PTPRD: variants seen among roughly 807,000 people sequenced by gnomAD.
PTPRD encodes the protein protein tyrosine phosphatase receptor type D.
In PTPRD, 34 loss-of-function variants were observed where a neutral mutation model predicts 214.5. The ratio of observed to expected loss-of-function variants is 0.16; its 90% CI spans 0.12 to 0.21. The LOEUF is 0.21. PTPRD is among the 10% of genes least tolerant of loss of function. The probability of loss-of-function intolerance (pLI) is 1.00; values close to 1 mark genes in which losing one functional copy is unlikely to be tolerated. For synonymous variants in PTPRD, 1,128 were observed against 845.7 expected, an observed-to-expected ratio of 1.33 and a Z score of -5.79; for missense variants, 2,545 against 2,398.7, an observed-to-expected ratio of 1.06 and a Z score of -1.27.
chr9:10,267,891 T>A (rs1348281939), intron 3 of PTPRD, among the ~76,000 whole-genome samples: 1 of 152,138 alleles, frequency 6.6e-6, no homozygotes, highest in Admixed American at 6.5e-5. Flanking sequence ...AAAAGTGAAA[T>A]AAAAATCACA....
intron 7 of PTPRD, among the ~76,000 whole-genome samples, chr9:9,711,783 G>A (rs1039192654): frequency 6.6e-6 from 1 of 152,168 alleles, no homozygotes; most frequent in Admixed American, 6.5e-5. Context: ...ATAGTGCAGA[G>A]ACCGAAAAAC....
chr9:9,924,912 G>A (rs879735800), intron 5 of PTPRD, among the ~76,000 whole-genome samples: 1 of 152,032 alleles, frequency 6.6e-6, no homozygotes, highest in Non-Finnish European at 1.5e-5. Context: ...TCAACTCCTA[G>A]CTAGAGTGCA....
intron 10 of PTPRD, among the ~76,000 whole-genome samples, chr9:9,166,925 T>G (rs1056957188): frequency 1.1e-4 from 17 of 152,142 alleles, no homozygotes; most frequent in Admixed American, 9.8e-4. Flanking sequence ...TTTGAAAACT[T>G]TCATAACAAC....
intron 3 of PTPRD, among the ~76,000 whole-genome samples, chr9:10,159,246 G>A (rs2099112551): frequency 6.6e-6 from 1 of 151,724 alleles, no homozygotes; most frequent in Non-Finnish European, 1.5e-5. Context: ...AAAATCAACA[G>A]GTAAGTTAAA....
chr9:9,536,149 A>G lies in PTPRD; in HGVS notation c.-237+38583T>C, dbSNP rs372005594. ...AGATAATTGCTTTTTGTGCTTCAGT[A>G]AGATTCTATGCATACTATTTCACTT... On this transcript the variant is annotated intron_variant, in intron 8 of 45. Transcript: ENST00000381196. 4.6e-5 allele frequency among the ~76,000 whole-genome samples: 7 copies of G among 152,042 alleles called. No individual in the cohort carries two copies. The South Asian group carries it at 1.5e-3, about 32-fold the overall frequency.
chr9:9,590,877 C>T (rs1748131101), intron 7 of PTPRD, among the ~76,000 whole-genome samples: 1 of 152,032 alleles, frequency 6.6e-6, no homozygotes, highest in Non-Finnish European at 1.5e-5. Flanking sequence ...TGGATTTTCA[C>T]AGAAAGTCAT....
At chr9:9,164,836 A>T (rs939927589) in intron 10 of PTPRD, among the ~76,000 whole-genome samples, 1 of 147,818 alleles carries the variant, frequency 6.8e-6, no homozygotes, top group Non-Finnish European at 1.5e-5. Context: ...AACATGATGA[A>T]ATCCTGTCTC....
At chr9:8,598,917 T>C (rs2094631242) in intron 14 of PTPRD, among the ~76,000 whole-genome samples, 1 of 152,166 alleles carries the variant, frequency 6.6e-6, no homozygotes, top group Admixed American at 6.5e-5. Flanking sequence ...TTCTGCTCCT[T>C]TGCTGGAAAA....
At chr9:9,740,421 A>G (rs1237770016) in intron 6 of PTPRD, among the ~76,000 whole-genome samples, 2 of 150,140 alleles carry the variant, frequency 1.3e-5, no homozygotes. Context: ...GCAGTGGCGT[A>G]ATCTGGGCTC....
chr9:9,528,782 C>G (rs1483581098), intron 8 of PTPRD, among the ~76,000 whole-genome samples: 1 of 151,298 alleles, frequency 6.6e-6, no homozygotes, highest in Non-Finnish European at 1.5e-5. Flanking sequence ...ACTATTCAAA[C>G]CAGAAGACAA....
At chr9:8,682,712 G>C (rs146188241) in intron 12 of PTPRD, among the ~76,000 whole-genome samples, 2 of 152,248 alleles carry the variant, frequency 1.3e-5, no homozygotes, top group Non-Finnish European at 2.9e-5. Context: ...TAAGGAGGCT[G>C]AAATGGGGGA....
chr9:9,360,031 C>G (rs1017603827), intron 9 of PTPRD, among the ~76,000 whole-genome samples: 2 of 151,172 alleles, frequency 1.3e-5, no homozygotes, highest in African/African-American at 4.8e-5. Flanking sequence ...GTTCATTTTA[C>G]AAACTAAAAA....
At chr9:10,134,798 G>T (rs576751865) in intron 3 of PTPRD, among the ~76,000 whole-genome samples, 1 of 152,002 alleles carries the variant, frequency 6.6e-6, no homozygotes, top group Non-Finnish European at 1.5e-5. Flanking sequence ...CATTAACTAC[G>T]GCAATTCAAA....
chr9:9,191,133 C>A (rs1458631262), intron 9 of PTPRD, among the ~76,000 whole-genome samples: 1 of 152,132 alleles, frequency 6.6e-6, no homozygotes, highest in Non-Finnish European at 1.5e-5. Context: ...GGGCTTCTTT[C>A]TTGCTTGCTA....
chr9:10,323,949 A>T (rs1301130644), intron 3 of PTPRD, among the ~76,000 whole-genome samples: 1 of 152,050 alleles, frequency 6.6e-6, no homozygotes, highest in African/African-American at 2.4e-5. Flanking sequence ...AATTCTGAGA[A>T]TTAACTTGTG....
intron 2 of PTPRD, among the ~76,000 whole-genome samples, chr9:10,480,628 T>G (rs1020963633): frequency 6.6e-6 from 1 of 151,960 alleles, no homozygotes; most frequent in African/African-American, 2.4e-5. Context: ...GAATAAAATA[T>G]TAACATATTT....
intron 12 of PTPRD, among the ~76,000 whole-genome samples, chr9:8,708,554 C>T (rs1389550595): frequency 6.6e-6 from 1 of 151,832 alleles, no homozygotes; most frequent in Non-Finnish European, 1.5e-5. Context: ...TGGTGGGCAC[C>T]TGTAATCCCA....
chr9:10,070,713 T>C (rs961661493), intron 3 of PTPRD, among the ~76,000 whole-genome samples: 11 of 152,048 alleles, frequency 7.2e-5, no homozygotes, highest in African/African-American at 2.2e-4. Flanking sequence ...AGTCAGTCTT[T>C]ACATCAATGT....
intron 39 of PTPRD, among the ~76,000 whole-genome samples, chr9:8,368,781 T>G (rs2134252281): frequency 6.7e-6 from 1 of 150,166 alleles, no homozygotes; most frequent in Non-Finnish European, 1.5e-5. Context: ...AGACCCAGCC[T>G]CCTGTTTTTA....
Sources: gnomAD v4.1 joint callset for allele counts (sites outside exome capture counted in the v4.1 genomes callset) on GRCh38, gnomAD v4.1.1 for gene constraint, MANE v1.5 for transcripts, NCBI Gene and HGNC (gene_info 2026-07-23, HGNC 2026-07-21) for gene names.